Variants in STOM observed in about 807,000 individuals in gnomAD.
STOM encodes the protein stomatin.
In STOM, 25 loss-of-function variants were observed where a neutral mutation model predicts 30.6. That is an observed-to-expected ratio of 0.82 (90% CI 0.60 to 1.14). The LOEUF is 1.14. Ranked by LOEUF, STOM falls within the 50% of genes most tolerant of loss-of-function variation. The pLI is 0.00. For missense variants in STOM, 292 were observed against 365.2 expected, an observed-to-expected ratio of 0.80 and a Z score of 1.63; for synonymous variants, 118 against 130.8, an observed-to-expected ratio of 0.90 and a Z score of 0.67.
intron 1 of STOM, among the ~76,000 whole-genome samples, chr9:121,358,141 A>T (rs1454547535): frequency 7.5e-6 from 1 of 133,096 alleles, no homozygotes; most frequent in Non-Finnish European, 1.7e-5. Context: ...TCTCTACTTT[A>T]AAAAAAAAAA....
rs944296289 is a variant in STOM at position 121,348,073 on chromosome 9, A to G, written c.602T>C (p.Val201Ala). The G allele has an allele frequency of 9.3e-6, 15 of 1,614,102 alleles. No individual in the cohort carries two copies. Among genetic ancestry groups the G allele is most frequent in the Non-Finnish European group, 1.3e-5 (15 of 1,180,038 alleles). Residue 201 changes from valine (V) to alanine (A), a missense_variant, in exon 6 of 7, where the codon GTG becomes GCG. Transcript: ENST00000286713. ...RVEIKDVKLP[V>A]QLQRAMAAEA... ...TGCAGCCATAGCTCTCTGGAGCTGC[A>G]CAGGTAGTTTCACATCCTTAATTTC...
chr9:121,349,749 G>A (rs1485613707), intron 4 of STOM, among the ~76,000 whole-genome samples: 1 of 152,114 alleles, frequency 6.6e-6, no homozygotes, highest in African/African-American at 2.4e-5. Flanking sequence ...AGAGAGTCAA[G>A]GTTTGATAAA....
chr9:121,369,176 TG>T (rs775081801), intron 1 of STOM, among the ~76,000 whole-genome samples: 1 of 152,200 alleles, frequency 6.6e-6, no homozygotes, highest in Non-Finnish European at 1.5e-5. Context: ...TAAGATGCTG[TG>T]GATAAAGCTG....
chr9:121,344,340 C>T (rs1432969512), intron 6 of STOM, among the ~76,000 whole-genome samples: 2 of 152,076 alleles, frequency 1.3e-5, no homozygotes, highest in Non-Finnish European at 2.9e-5. Flanking sequence ...CTCAGATGTC[C>T]AATTAGGCAC....
intron 1 of STOM, among the ~76,000 whole-genome samples, chr9:121,363,622 A>G (rs569198021): frequency 3.9e-5 from 6 of 152,362 alleles, no homozygotes; most frequent in Non-Finnish European, 7.4e-5. Context: ...TTTCATGTGT[A>G]ATGAAAAAGT....
chr9:121,369,852 C>G (rs970105079), intron 1 of STOM: 5 of 458,000 alleles, frequency 1.1e-5, no homozygotes, highest in African/African-American at 9.8e-5. Context: ...GATAGTGCAG[C>G]CCTGGCATGG....
intron 1 of STOM, among the ~76,000 whole-genome samples, chr9:121,360,170 T>C (rs529679049): frequency 1.3e-5 from 2 of 152,360 alleles, no homozygotes; most frequent in South Asian, 2.1e-4. Flanking sequence ...AGAATAGATA[T>C]AAAATAAAAT....
chr9:121,346,681 A>G (rs306792), intron 6 of STOM, among the ~76,000 whole-genome samples: 130,363 of 152,238 alleles, frequency 0.86, 55,986 homozygotes, highest in East Asian at 0.99. Context: ...TTTGAAAGAA[A>G]GCACTAGAGG....
chr9:121,367,442 T>G (rs1395868945), intron 1 of STOM, among the ~76,000 whole-genome samples: 1 of 152,222 alleles, frequency 6.6e-6, no homozygotes, highest in Non-Finnish European at 1.5e-5. Context: ...TAAGTTAATT[T>G]ATGACCACTG....
At chr9:121,368,238 A>G (rs1369099350) in intron 1 of STOM, among the ~76,000 whole-genome samples, 1 of 152,200 alleles carries the variant, frequency 6.6e-6, no homozygotes, top group Non-Finnish European at 1.5e-5. Flanking sequence ...ATTTCTGTCT[A>G]AACAGTAGTT....
intron 6 of STOM, among the ~76,000 whole-genome samples, chr9:121,342,903 G>T (rs2064259234): frequency 6.6e-6 from 1 of 152,168 alleles, no homozygotes; most frequent in Admixed American, 6.5e-5. Flanking sequence ...GGAGTCAAAT[G>T]GACTTGAGTT....
At position 121,340,937 on chromosome 9, in the gene STOM, A is replaced by G. The variant is rs1564626149; in HGVS notation, c.*265T>C. On this transcript the variant is annotated 3_prime_UTR_variant, in exon 7 of 7. Transcript: ENST00000286713. Reference sequence around the variant, plus strand: ...GTTCAGAATGAGTCAGTGGAAGTCAAAACAAGAGGGATCTAACCTACTACA... The same window carrying G: ...GTTCAGAATGAGTCAGTGGAAGTCAGAACAAGAGGGATCTAACCTACTACA... 7.9e-7 allele frequency: 1 copy of G among 1,269,250 alleles called. No individual in the cohort carries two copies. The highest frequency in any genetic ancestry group is 1.0e-6 in the Non-Finnish European group (1 of 997,148). The allele number at this position is 1,269,250 out of a possible 1,614,324, so 78.6% of individuals were successfully genotyped here.
At chr9:121,361,630 C>T (rs1589297415) in intron 1 of STOM, among the ~76,000 whole-genome samples, 2 of 152,162 alleles carry the variant, frequency 1.3e-5, no homozygotes, top group East Asian at 1.9e-4. Flanking sequence ...CCTCGTGATC[C>T]TCCGGCCTCG....
At position 121,341,320 on chromosome 9, in the gene STOM, A is replaced by AG; in HGVS notation, c.748dup (p.Leu250ProfsTer13). ...GGTGGTCAGTGTCTGCAGGTATCGGAGCTGAAGGGCTGCAGGAGATTCAGT... is the reference window on the plus strand; with the variant it reads ...GGTGGTCAGTGTCTGCAGGTATCGGAGGCTGAAGGGCTGCAGGAGATTCAGT... On this transcript the variant is annotated frameshift_variant, in exon 7 of 7. Coordinates refer to ENST00000286713, the MANE Select transcript of STOM (RefSeq NM_004099.6). LOFTEE classifies it high-confidence loss of function. 6.2e-7 allele frequency: 1 copy of AG among 1,614,126 alleles called. No homozygotes were observed. Among genetic ancestry groups the AG allele is most frequent in the Non-Finnish European group, 8.5e-7 (1 of 1,180,032 alleles).
chr9:121,357,772 A>C (rs571212255), intron 1 of STOM, among the ~76,000 whole-genome samples: 54 of 152,190 alleles, frequency 3.5e-4, no homozygotes, highest in African/African-American at 1.1e-3. Context: ...TAAATAAATA[A>C]AATGTGTAAC....
intron 4 of STOM, among the ~76,000 whole-genome samples, chr9:121,351,350 C>T (rs1390224332): frequency 6.6e-6 from 1 of 152,176 alleles, no homozygotes; most frequent in Non-Finnish European, 1.5e-5. Flanking sequence ...CAAAATGATT[C>T]CTGGCATCAC....
In STOM at chr9:121,355,588, G is replaced by A. The variant is rs1459401610; in HGVS notation, c.165+465C>T. ...TTGTAGAAAAAATAACGAGCACTGA[G>A]GGTATTTATGACGTGCCAGGCATTG... On this transcript the variant is annotated intron_variant, in intron 2 of 6. Coordinates refer to ENST00000286713, the MANE Select transcript of STOM (RefSeq NM_004099.6). Among the ~76,000 whole-genome samples the A allele has an allele frequency of 2.6e-5, 4 of 152,228 alleles. No homozygotes were observed. The East Asian group carries it at 5.8e-4, about 22-fold the overall frequency.
chr9:121,361,118 T>A (rs2064446860), intron 1 of STOM, among the ~76,000 whole-genome samples: 1 of 152,174 alleles, frequency 6.6e-6, no homozygotes, highest in Non-Finnish European at 1.5e-5. Context: ...GAAGCCCTCT[T>A]AATTCCAGCT....
chr9:121,340,028 T>G lies in STOM; in HGVS notation c.*1174A>C, dbSNP rs2064232058. 1.0e-6 allele frequency: 1 copy of G among 982,166 alleles called. No individual in the cohort carries two copies. Among genetic ancestry groups the G allele is most frequent in the Admixed American group, 6.1e-5 (1 of 16,378 alleles). 60.8% of individuals were successfully genotyped at this position (982,166 alleles called of 1,614,324 possible). A position where few individuals can be genotyped will look rare whatever the true frequency, so the allele number is the denominator to read the frequency against. ...TTCCTGAAGTTATCTCTTAAAAAAG[T>G]ATTTTAGTCCTTCAGCTATTCAAAT... On this transcript the variant is annotated 3_prime_UTR_variant, in exon 7 of 7. Coordinates refer to ENST00000286713, the MANE Select transcript of STOM (RefSeq NM_004099.6).
Sources: gnomAD v4.1 joint callset for allele counts (sites outside exome capture counted in the v4.1 genomes callset) on GRCh38, gnomAD v4.1.1 for gene constraint, MANE v1.5 for transcripts, NCBI Gene and HGNC (gene_info 2026-07-23, HGNC 2026-07-21) for gene names.